The following THEM4 variants were observed in gnomAD, a reference collection of about 807,000 sequenced individuals.
THEM4 encodes the protein acyl-coenzyme A thioesterase THEM4.
In THEM4, 22 loss-of-function variants were observed where a neutral mutation model predicts 25.0. The ratio of observed to expected loss-of-function variants is 0.88; its 90% confidence interval spans 0.63 to 1.26. THEM4 has a LOEUF of 1.26. Among genes scored for constraint, THEM4 ranks in the 50% most tolerant of loss-of-function variants. The pLI is 0.00. For synonymous variants in THEM4, 113 were observed against 105.6 expected (o/e 1.07, Z -0.43); for missense variants, 286 against 300.3 (o/e 0.95, Z 0.35).
intron 4 of THEM4, among the ~76,000 whole-genome samples, chr1:151,883,747 GC>G (rs1404894060): frequency 1.3e-5 from 2 of 151,168 alleles, no homozygotes; most frequent in Admixed American, 6.6e-5. Flanking sequence ...TCCTGCCTCA[GC>G]CTCCCAAGTA....
chr1:151,898,523 G>A lies in THEM4; in HGVS notation c.100-3329C>T, dbSNP rs557278754. 2.6e-4 allele frequency among the ~76,000 whole-genome samples: 40 copies of A among 152,322 alleles called. 1 individual carries two copies. Among genetic ancestry groups the A allele is most frequent in the South Asian group, 2.3e-3 (11 of 4,832 alleles). On this transcript the variant is annotated intron_variant, in intron 1 of 5. Coordinates refer to ENST00000368814, the MANE Select transcript of THEM4 (RefSeq NM_053055.5). ...ATCCACCCTGGTAGCAGAAGACAAA[G>A]GGCATATAATCTTGGGAGTTCTAGG...
In THEM4 at chr1:151,877,017, T is replaced by C. The variant is rs887574921; in HGVS notation, c.666A>G (p.Leu222=). Residue 222 remains leucine, a synonymous_variant, in exon 5 of 6, where the codon CTA becomes CTG. Transcript: ENST00000368814. ...CNVQSVDEKT[L]YSEATSLFIK... is the part of the protein sequence containing the mutation. ...GCTTCTTACTTGTCGCCTCTGAGTA[T>C]AGGGTCTTCTCATCAACACTCTGAA... 3.1e-6 allele frequency: 5 copies of C among 1,612,368 alleles called. No homozygotes were observed. Among genetic ancestry groups the C allele is most frequent in the Non-Finnish European group, 3.4e-6 (4 of 1,179,476 alleles).
At position 151,877,129 on chromosome 1, in the gene THEM4, C is replaced by A. The variant is rs375165355; in HGVS notation, c.558-4G>T. ...AACAGAACAAAGAGGGATAGGTCTG[C>A]AGAATAAAATGAAAAAGGAAAAAAA... On this transcript the variant is annotated splice_polypyrimidine_tract_variant and splice_region_variant and intron_variant, in intron 4 of 5. Coordinates refer to ENST00000368814, the MANE Select transcript of THEM4 (RefSeq NM_053055.5). The A allele has an allele frequency of 4.1e-5, 66 of 1,595,118 alleles. No individual in the cohort carries two copies. In the African/African-American group the frequency reaches 8.6e-4, roughly 21 times the overall value.
chr1:151,888,166 G>T, intron 4 of THEM4, 107 bp downstream of exon 4: 1 of 791,844 alleles, frequency 1.3e-6, no homozygotes, highest in Non-Finnish European at 2.0e-6. Context: ...TCCTCTGGGA[G>T]CACTTCCTTA....
chr1:151,894,951 G>C (rs764586549), intron 2 of THEM4, 57 bp downstream of exon 2: 9 of 1,561,282 alleles, frequency 5.8e-6, no homozygotes, highest in Non-Finnish European at 7.9e-6. Flanking sequence ...ACTTCAATCT[G>C]TTCTTAGCTT....
At chr1:151,893,502 C>T (rs1654142485) in intron 2 of THEM4, among the ~76,000 whole-genome samples, 1 of 151,520 alleles carries the variant, frequency 6.6e-6, no homozygotes, top group South Asian at 2.1e-4. Flanking sequence ...AAACATCTAG[C>T]AGAGATGGAT....
At chr1:151,896,360 C>T (rs903817847) in intron 1 of THEM4, among the ~76,000 whole-genome samples, 2 of 152,142 alleles carry the variant, frequency 1.3e-5, no homozygotes, top group South Asian at 2.1e-4. Flanking sequence ...CCTGTATAGC[C>T]TGTAGAAATG....
chr1:151,872,215 T>G lies in THEM4; in HGVS notation c.*2673A>C, dbSNP rs1653569836. 6.6e-6 allele frequency among the ~76,000 whole-genome samples: 1 copy of G among 152,178 alleles called. No homozygotes were observed. Among genetic ancestry groups the G allele is most frequent in the South Asian group, 2.1e-4 (1 of 4,832 alleles). On this transcript the variant is annotated 3_prime_UTR_variant, in exon 6 of 6. Coordinates refer to ENST00000368814, the MANE Select transcript of THEM4 (RefSeq NM_053055.5). ...CACTAGAGACAGGGCTTCCAGGATG[T>G]GGGTCTTCCTCTGGCTTGGCCATCC...
At chr1:151,893,882 GACAGTCTC>G (rs1477843705) in intron 2 of THEM4, among the ~76,000 whole-genome samples, 1 of 151,332 alleles carries the variant, frequency 6.6e-6, no homozygotes, top group Admixed American at 6.6e-5. Context: ...TAGGGGGGGA[GACAGTCTC>G]ACTCTGTTGC....
intron 4 of THEM4, among the ~76,000 whole-genome samples, chr1:151,881,450 T>C (rs770377395): frequency 6.6e-5 from 10 of 152,240 alleles, no homozygotes; most frequent in Non-Finnish European, 1.5e-5. Flanking sequence ...CCTGTTGGGA[T>C]TGCTTTCCTT....
chr1:151,902,848 C>A (rs190007739), intron 1 of THEM4, among the ~76,000 whole-genome samples: 1 of 151,938 alleles, frequency 6.6e-6, no homozygotes, highest in East Asian at 1.9e-4. Context: ...ATTAGCCATG[C>A]GAGATGGTGT....
At chr1:151,906,509 C>G (rs939221307) in intron 1 of THEM4, among the ~76,000 whole-genome samples, 24 of 152,358 alleles carry the variant, frequency 1.6e-4, no homozygotes, top group Admixed American at 1.6e-3. Context: ...CACCCAAGGG[C>G]TGAGGAGTGT....
In THEM4 at chr1:151,872,704, C is replaced by T. The variant is rs1040833743; in HGVS notation, c.*2184G>A. On this transcript the variant is annotated 3_prime_UTR_variant, in exon 6 of 6. Transcript: ENST00000368814. The stretch of plus-strand genomic sequence containing the variant: ...TTAAGGGATCTAGGACTGTGCAGGA[C>T]GTGCCTCATTAACAGTATGTTTACA... 1.3e-5 allele frequency among the ~76,000 whole-genome samples: 2 copies of T among 152,168 alleles called. No homozygotes were observed. Among genetic ancestry groups the T allele is most frequent in the Non-Finnish European group, 2.9e-5 (2 of 68,034 alleles).
At position 151,874,616 on chromosome 1, in the gene THEM4, C is replaced by T; in HGVS notation, c.*272G>A. ...TCTTGAACTCCTGAGCTCAGGCAAT[C>T]CGCCTGCCTCGGCCTCCTAAAGTGC... is the stretch of plus-strand genomic sequence containing the variant. On this transcript the variant is annotated 3_prime_UTR_variant, in exon 6 of 6. Coordinates refer to ENST00000368814, the MANE Select transcript of THEM4 (RefSeq NM_053055.5). The T allele has an allele frequency of 2.0e-6, 1 of 488,138 alleles. No individual in the cohort carries two copies. Among genetic ancestry groups the T allele is most frequent in the Non-Finnish European group, 3.7e-6 (1 of 273,328 alleles). The allele number at this position is 488,138 out of a possible 1,614,324, so 30.2% of individuals were successfully genotyped here.
chr1:151,900,213 T>A (rs1195695028), intron 1 of THEM4, among the ~76,000 whole-genome samples: 1 of 151,954 alleles, frequency 6.6e-6, no homozygotes, highest in East Asian at 1.9e-4. Context: ...CTTTAAAGCA[T>A]AAATCACACA....
intron 2 of THEM4, chr1:151,891,254 T>C (rs1315123794): frequency 6.6e-6 from 1 of 152,200 alleles, no homozygotes; most frequent in Non-Finnish European, 1.5e-5. Context: ...GCACTGAAAA[T>C]AGCATTGGAA....
In THEM4 at chr1:151,871,591, T is replaced by C. The variant is rs1354435133; in HGVS notation, c.*3297A>G. 6.6e-6 allele frequency among the ~76,000 whole-genome samples: 1 copy of C among 152,240 alleles called. No homozygotes were observed. Among genetic ancestry groups the C allele is most frequent in the Non-Finnish European group, 1.5e-5 (1 of 68,036 alleles). On this transcript the variant is annotated 3_prime_UTR_variant, in exon 6 of 6. Coordinates refer to ENST00000368814, the MANE Select transcript of THEM4 (RefSeq NM_053055.5). ...GCAAAGCAGGGAAGCCATTTTTCCCTCACTGGCTATGGGGAACCCTATGTT... is the reference window on the plus strand; with the variant it reads ...GCAAAGCAGGGAAGCCATTTTTCCCCCACTGGCTATGGGGAACCCTATGTT...
intron 1 of THEM4, among the ~76,000 whole-genome samples, chr1:151,901,417 T>C (rs1380226675): frequency 6.6e-6 from 1 of 152,248 alleles, no homozygotes; most frequent in African/African-American, 2.4e-5. Context: ...TGCATGGAAC[T>C]TTCTCCAAGA....
intron 3 of THEM4, among the ~76,000 whole-genome samples, chr1:151,888,819 C>T (rs1317585644): frequency 3.3e-5 from 5 of 151,884 alleles, no homozygotes; most frequent in Non-Finnish European, 7.4e-5. Flanking sequence ...AGGAGCAAGG[C>T]CTTGTCTCAC....
Sources: allele counts gnomAD v4.1 joint callset (sites outside exome capture counted in the v4.1 genomes callset), GRCh38; gene constraint gnomAD v4.1.1; transcripts MANE v1.5; gene names NCBI Gene and HGNC (gene_info 2026-07-23, HGNC 2026-07-21).